POMZP3: variants seen among roughly 807,000 people sequenced by gnomAD.
POMZP3 encodes the protein POM121 and ZP3 fusion.
A neutral mutation model predicts 19.8 loss-of-function variants in POMZP3; 10 were observed. That is an observed-to-expected ratio of 0.51 (90% CI 0.31 to 0.86). POMZP3 has a LOEUF of 0.86. POMZP3 is among the 40% of genes least tolerant of loss of function. The probability of loss-of-function intolerance (pLI) is 0.04; values close to 1 mark genes in which losing one functional copy is unlikely to be tolerated. For synonymous variants in POMZP3, 57 were observed against 85.8 expected, an observed-to-expected ratio of 0.66 and a Z score of 1.85; for missense variants, 152 against 228.1, an observed-to-expected ratio of 0.67 and a Z score of 2.15.
At chr7:76,620,691 C>G (rs1347480770) in intron 3 of POMZP3, among the ~76,000 whole-genome samples, 1 of 151,916 alleles carries the variant, frequency 6.6e-6, no homozygotes, top group South Asian at 2.1e-4. Context: ...TGGTCTTGAA[C>G]TTCTGACCTC....
chr7:76,619,588 TC>T (rs1385279364), intron 3 of POMZP3, among the ~76,000 whole-genome samples: 8 of 139,816 alleles, frequency 5.7e-5, no homozygotes, highest in African/African-American at 1.8e-4. Flanking sequence ...AGAGATGGTG[TC>T]TTTTTTTTTT....
At chr7:76,624,197 A>G (rs1484455827) in intron 3 of POMZP3, among the ~76,000 whole-genome samples, 1 of 136,426 alleles carries the variant, frequency 7.3e-6, no homozygotes, top group African/African-American at 2.8e-5. Flanking sequence ...TGGAAGATTA[A>G]TCTCATGAAA....
chr7:76,619,134 C>G (rs1437918146), intron 3 of POMZP3, among the ~76,000 whole-genome samples: 1 of 152,124 alleles, frequency 6.6e-6, no homozygotes, highest in East Asian at 1.9e-4. Flanking sequence ...CGCAGTGGCT[C>G]ATGCCTCTAA....
intron 3 of POMZP3, among the ~76,000 whole-genome samples, chr7:76,619,393 T>G (rs1815423935): frequency 4.0e-5 from 1 of 25,208 alleles, no homozygotes; most frequent in Admixed American, 3.0e-4. Flanking sequence ...GTCTTTAAAA[T>G]AAAATAAAAT....
At chr7:76,622,603 A>G (rs968806011) in intron 3 of POMZP3, among the ~76,000 whole-genome samples, 3 of 151,542 alleles carry the variant, frequency 2.0e-5, no homozygotes, top group Admixed American at 2.0e-4. Context: ...TGACCTCATG[A>G]TCCACCCGCC....
At chr7:76,617,385 A>C in intron 4 of POMZP3, among the ~76,000 whole-genome samples, 2 of 92,178 alleles carry the variant, frequency 2.2e-5, no homozygotes, top group African/African-American at 5.0e-5. Context: ...TCCCATCTTC[A>C]TTCCTTCCTT....
Position 76,627,107 on chromosome 7 carries a change from G to A in POMZP3, c.-551C>T. 4 of 1,370,200 alleles carry A rather than the reference G, an allele frequency of 2.9e-6. No individual in the cohort carries two copies. The highest frequency in any genetic ancestry group is 2.9e-5 in the South Asian group (2 of 67,960). The allele number at this position is 1,370,200 out of a possible 1,614,324, so 84.9% of individuals were successfully genotyped here. On this transcript the variant is annotated 5_prime_UTR_variant, in exon 1 of 7. Coordinates refer to ENST00000310842, the MANE Select transcript of POMZP3 (RefSeq NM_012230.5). The stretch of plus-strand genomic sequence containing the variant: ...CAGGCCGCGGTAGTCCCCACGGCCA[G>A]CCAGGCCAGCGCAGCCGCAGCAGGC...
intron 1 of POMZP3, 104 bp from the exon 2 acceptor site, chr7:76,626,319 G>A (rs796646990): frequency 1.1e-5 from 13 of 1,184,866 alleles, no homozygotes; most frequent in East Asian, 5.1e-5. Context: ...AAGAACTTAA[G>A]TCTCTTTCTA....
chr7:76,615,861 TC>T (rs1412091521), intron 4 of POMZP3, among the ~76,000 whole-genome samples: 1 of 82,852 alleles, frequency 1.2e-5, no homozygotes, highest in Non-Finnish European at 2.4e-5. Flanking sequence ...ATGCCTACAA[TC>T]TCAGCTACTT....
chr7:76,619,412 A>G lies in POMZP3; in HGVS notation c.228-1112T>C, dbSNP rs541354652. On this transcript the variant is annotated intron_variant, in intron 3 of 6. Transcript: ENST00000310842. ...TTAAAATAAAATAAAATAAAATAAAATAGGGCTCTCTCCTCTCTGGCAGTA... is the reference window on the plus strand; with the variant it reads ...TTAAAATAAAATAAAATAAAATAAAGTAGGGCTCTCTCCTCTCTGGCAGTA... Among the ~76,000 whole-genome samples the G allele has an allele frequency of 4.9e-4, 64 of 129,412 alleles. 1 individual carries two copies. In the South Asian group the frequency reaches 0.015, roughly 30 times the overall value. 84.9% of individuals were successfully genotyped at this position (129,412 alleles called of 152,430 possible). A position where few individuals can be genotyped will look rare whatever the true frequency, so the allele number is the denominator to read the frequency against.
intron 3 of POMZP3, among the ~76,000 whole-genome samples, chr7:76,622,432 G>A (rs1429927278): frequency 7.8e-6 from 1 of 128,582 alleles, no homozygotes; most frequent in Non-Finnish European, 1.6e-5. Context: ...AGGCTGGAGT[G>A]CAGTGGCACG....
chr7:76,626,352 T>C (rs564546473), intron 1 of POMZP3, 137 bp from the exon 2 acceptor site: 58 of 844,874 alleles, frequency 6.9e-5, no homozygotes, highest in Admixed American at 2.8e-4. Context: ...CACGTTGTTT[T>C]TATGGCAACT....
intron 3 of POMZP3, chr7:76,618,524 G>C (rs1325020791): frequency 1.6e-6 from 1 of 607,026 alleles, no homozygotes; most frequent in Non-Finnish European, 2.8e-6. Context: ...GGGAGGCTGA[G>C]GCAGGAGAAT....
At chr7:76,623,021 A>T (rs952372258) in intron 3 of POMZP3, among the ~76,000 whole-genome samples, 2 of 151,556 alleles carry the variant, frequency 1.3e-5, no homozygotes. Flanking sequence ...GGCACTCACC[A>T]CCATGCCTGG....
chr7:76,625,974 A>C (rs773394816), intron 2 of POMZP3, 26 bp downstream of exon 2: 5 of 1,612,800 alleles, frequency 3.1e-6, no homozygotes, highest in Admixed American at 1.7e-5. Context: ...GAAAAGGGAG[A>C]GTATTCTTCC....
At chr7:76,622,101 G>T (rs1156568391) in intron 3 of POMZP3, among the ~76,000 whole-genome samples, 3 of 145,222 alleles carry the variant, frequency 2.1e-5, no homozygotes, top group Non-Finnish European at 4.6e-5. Context: ...CCATGGCAAC[G>T]TCAGGAAGTT....
At chr7:76,611,162 C>G (rs1815075752) in intron 6 of POMZP3, among the ~76,000 whole-genome samples, 1 of 149,802 alleles carries the variant, frequency 6.7e-6, no homozygotes, top group Non-Finnish European at 1.5e-5. Flanking sequence ...GCCTGAGCCA[C>G]TATGCCAAGC....
Position 76,609,996 on chromosome 7 carries a change from TTC to T in POMZP3, c.*229_*230del. On this transcript the variant is annotated 3_prime_UTR_variant, in exon 7 of 7. Coordinates refer to ENST00000310842, the MANE Select transcript of POMZP3 (RefSeq NM_012230.5). ...CACACCACGACCAGATATTGCTTTCTTCTTTTATTCGGAAGCAGACACAGGGT... is the reference window on the plus strand; with the variant it reads ...CACACCACGACCAGATATTGCTTTCTTTTTATTCGGAAGCAGACACAGGGT... 1 of 692,192 alleles carries T rather than the reference TTC, an allele frequency of 1.4e-6. No individual in the cohort carries two copies. The highest frequency in any genetic ancestry group is 1.8e-5 in the South Asian group (1 of 56,450). The allele number at this position is 692,192 out of a possible 1,614,324, so 42.9% of individuals were successfully genotyped here.
In POMZP3 at chr7:76,626,863, G is replaced by C; in HGVS notation, c.-307C>G. ...ATTCCGCAGGTCCTGGCCCTCCGGA[G>C]CGGGGGCGGGCTGCGGCGGCCCGGG... On this transcript the variant is annotated 5_prime_UTR_variant, in exon 1 of 7. Coordinates refer to ENST00000310842, the MANE Select transcript of POMZP3 (RefSeq NM_012230.5). 7 of 1,399,324 alleles carry C rather than the reference G, an allele frequency of 5.0e-6. No individual in the cohort carries two copies. Among genetic ancestry groups the C allele is most frequent in the Non-Finnish European group, 6.4e-6 (7 of 1,086,152 alleles). 86.7% of individuals were successfully genotyped at this position (1,399,324 alleles called of 1,614,324 possible).
Sources: gnomAD v4.1 joint callset for allele counts (sites outside exome capture counted in the v4.1 genomes callset) on GRCh38, gnomAD v4.1.1 for gene constraint, MANE v1.5 for transcripts, NCBI Gene and HGNC (gene_info 2026-07-23, HGNC 2026-07-21) for gene names.